RANBP2: variants seen among roughly 807,000 people sequenced by gnomAD.
RANBP2 encodes RAN binding protein 2.
Under a neutral mutation model 303.6 loss-of-function variants are expected in RANBP2, and 57 were observed. That is an observed-to-expected ratio of 0.19 (90% CI 0.15 to 0.23). The LOEUF is 0.23. Ranked by LOEUF, RANBP2 falls within the 10% of genes least tolerant of loss-of-function variation. RANBP2 has a pLI of 1.00. For missense variants in RANBP2, 3,138 were observed against 3,780.8 expected, an observed-to-expected ratio of 0.83 and a Z score of 4.46; for synonymous variants, 1,167 against 1,301.5, an observed-to-expected ratio of 0.90 and a Z score of 2.23.
At chr2:109,090,740 C>G in the RANBP2 span, among the ~76,000 whole-genome samples, 1 of 151,704 alleles carries the variant, frequency 6.6e-6, no homozygotes, top group Non-Finnish European at 1.5e-5. Flanking sequence ...TCTTCAGGGC[C>G]CTAATACTTA....
chr2:108,775,755 T>A lies in RANBP2; in HGVS notation c.8316T>A (p.Thr2772=). The part of the protein sequence containing the change: ...EAQKSQTEEI[T]STTDSVYTGG... Reference sequence around the variant, plus strand: ...AGAAATCTCAGACAGAAGAAATAACTAGCACAACTGACAGTGTATATACAG... The same window carrying A: ...AGAAATCTCAGACAGAAGAAATAACAAGCACAACTGACAGTGTATATACAG... The change falls in exon 24 of 29, where the codon ACT becomes ACA. Residue 2772 remains threonine, a synonymous_variant. Transcript: ENST00000283195. The A allele has an allele frequency of 6.2e-7, 1 of 1,613,812 alleles. No individual in the cohort carries two copies. Among genetic ancestry groups the A allele is most frequent in the South Asian group, 1.1e-5 (1 of 91,086 alleles).
the RANBP2 span, among the ~76,000 whole-genome samples, chr2:109,577,010 G>A: frequency 6.6e-6 from 1 of 151,986 alleles, no homozygotes; most frequent in East Asian, 1.9e-4. Context: ...GGGTAAATTA[G>A]AAATAATAAA....
the RANBP2 span, chr2:109,613,212 T>C: frequency 1.6e-6 from 2 of 1,283,118 alleles, no homozygotes; most frequent in South Asian, 1.2e-5. Context: ...ACAAGCGAGA[T>C]AAATCTACAA....
At chr2:108,831,993 G>A in the RANBP2 span, among the ~76,000 whole-genome samples, 62 of 151,630 alleles carry the variant, frequency 4.1e-4, no homozygotes, top group Admixed American at 2.2e-3. Flanking sequence ...TCGGCCTCCC[G>A]AAGTGCTGGG....
chr2:108,961,446 C>T, the RANBP2 span, among the ~76,000 whole-genome samples: 7 of 152,128 alleles, frequency 4.6e-5, no homozygotes, highest in Admixed American at 4.6e-4. Context: ...CTGGGACCAG[C>T]CACCCTCCTT....
the RANBP2 span, among the ~76,000 whole-genome samples, chr2:109,152,024 A>T: frequency 6.6e-6 from 1 of 152,242 alleles, no homozygotes. Flanking sequence ...AAATTTCCCA[A>T]TGGGAAGTTA....
At chr2:109,719,649 C>T in the RANBP2 span, among the ~76,000 whole-genome samples, 1 of 152,012 alleles carries the variant, frequency 6.6e-6, no homozygotes, top group Non-Finnish European at 1.5e-5. Flanking sequence ...TCGTGATCCG[C>T]TAGCCTCGGC....
At chr2:108,968,751 T>A in the RANBP2 span, among the ~76,000 whole-genome samples, 1 of 152,126 alleles carries the variant, frequency 6.6e-6, no homozygotes, top group East Asian at 1.9e-4. Context: ...CATCGAACAC[T>A]AGGAAATAAG....
chr2:109,093,543 GGAAGTTATCTGTGGTA>G, the RANBP2 span, among the ~76,000 whole-genome samples: 1 of 152,034 alleles, frequency 6.6e-6, no homozygotes, highest in Non-Finnish European at 1.5e-5. Flanking sequence ...ATTTCATGTG[GGAAGTTATCTGTGGTA>G]GAATTTAAAA....
chr2:109,519,960 G>A, the RANBP2 span, among the ~76,000 whole-genome samples: 1 of 152,054 alleles, frequency 6.6e-6, no homozygotes. Flanking sequence ...GTGGTTCTTT[G>A]TCCTGACTGA....
At chr2:109,301,566 G>A in the RANBP2 span, among the ~76,000 whole-genome samples, 2 of 152,172 alleles carry the variant, frequency 1.3e-5, no homozygotes, top group Admixed American at 1.3e-4. Context: ...CACAGCCTCT[G>A]ACAGCCTAGT....
At chr2:109,129,859 G>T in the RANBP2 span, 2 of 1,526,896 alleles carry the variant, frequency 1.3e-6, no homozygotes, top group Non-Finnish European at 1.8e-6. Flanking sequence ...CGGCGTGGAC[G>T]AACTGCCCGC....
At position 108,765,896 on chromosome 2, in the gene RANBP2, A is replaced by T; in HGVS notation, c.5357A>T (p.Asp1786Val). Residue 1786 changes from aspartate to valine, a missense_variant, in exon 20 of 29, where the codon GAT (aspartate) becomes GTT (valine). Asp to Val is a radical substitution (Grantham distance 152). Transcript: ENST00000283195. ...ATGTTCATCAGGAAAGGACAGTGGG[A>T]TTGTAGTGTTTGCTGTGTACAAAAT... is the stretch of plus-strand genomic sequence containing the variant. ...EGMFIRKGQWDCSVCCVQNES... is the reference protein window; with the variant it reads ...EGMFIRKGQWVCSVCCVQNES... The T allele has an allele frequency of 6.2e-7, 1 of 1,614,180 alleles. No homozygotes were observed. Among genetic ancestry groups the T allele is most frequent in the East Asian group, 2.2e-5 (1 of 44,888 alleles).
chr2:109,582,176 G>C, the RANBP2 span, among the ~76,000 whole-genome samples: 2 of 151,750 alleles, frequency 1.3e-5, no homozygotes, highest in African/African-American at 4.8e-5. Flanking sequence ...TCTGCAAAGA[G>C]AACTACAAAA....
At chr2:108,955,358 A>T in the RANBP2 span, among the ~76,000 whole-genome samples, 1 of 152,270 alleles carries the variant, frequency 6.6e-6, no homozygotes, top group Non-Finnish European at 1.5e-5. Flanking sequence ...ATTGTAAAAT[A>T]AAAGAAAAAT....
chr2:109,005,901 G>A, the RANBP2 span, among the ~76,000 whole-genome samples: 9 of 152,196 alleles, frequency 5.9e-5, no homozygotes, highest in Non-Finnish European at 1.0e-4. Context: ...GGTGCCCACC[G>A]CCTTTATCCA....
the RANBP2 span, among the ~76,000 whole-genome samples, chr2:109,438,072 A>G: frequency 1.3e-5 from 2 of 152,214 alleles, no homozygotes; most frequent in Non-Finnish European, 2.9e-5. Context: ...AAAATATACT[A>G]TTTCTTAGAC....
the RANBP2 span, among the ~76,000 whole-genome samples, chr2:109,239,442 C>T: frequency 1.1e-4 from 16 of 152,316 alleles, no homozygotes; most frequent in South Asian, 3.3e-3. Flanking sequence ...GGGGTCTTCC[C>T]TGCTCCTTGC....
At chr2:109,337,878 C>T in the RANBP2 span, among the ~76,000 whole-genome samples, 1 of 152,016 alleles carries the variant, frequency 6.6e-6, no homozygotes, top group African/African-American at 2.4e-5. Flanking sequence ...CAGGCATGCA[C>T]CACCACGCCT....
Sources: gnomAD v4.1 joint callset for allele counts (sites outside exome capture counted in the v4.1 genomes callset) on GRCh38, gnomAD v4.1.1 for gene constraint, MANE v1.5 for transcripts, NCBI Gene and HGNC (gene_info 2026-07-23, HGNC 2026-07-21) for gene names.